The following CACNA1I variants were observed in gnomAD, a reference collection of about 807,000 sequenced individuals.
CACNA1I encodes calcium voltage-gated channel subunit alpha1 I.
In CACNA1I, 74 loss-of-function variants were observed where a neutral mutation model predicts 201.6. The observed-to-expected ratio is 0.37, with a 90% CI of 0.30 to 0.45. CACNA1I has a LOEUF of 0.45. CACNA1I is among the 20% of genes least tolerant of loss of function. The pLI is 1.00. For synonymous variants in CACNA1I, 1,431 were observed against 1,345.2 expected (o/e 1.06, Z -1.40); for missense variants, 2,346 against 3,138.1 (o/e 0.75, Z 6.03).
intron 27 of CACNA1I, among the ~76,000 whole-genome samples, 168 bp from the exon 28 acceptor site, chr22:39,672,781 G>A (rs969462453): frequency 6.6e-6 from 1 of 152,132 alleles, no homozygotes; most frequent in African/African-American, 2.4e-5. Flanking sequence ...GCAGAGAGGG[G>A]CCTGGACCCA....
At chr22:39,633,207 C>T (rs974501923) in intron 4 of CACNA1I, among the ~76,000 whole-genome samples, 2 of 152,118 alleles carry the variant, frequency 1.3e-5, no homozygotes, top group Admixed American at 6.6e-5. Flanking sequence ...AGTCATTGAA[C>T]AAATGTTAGG....
chr22:39,607,872 C>A (rs539372445), intron 3 of CACNA1I, among the ~76,000 whole-genome samples: 14 of 144,254 alleles, frequency 9.7e-5, no homozygotes, highest in Non-Finnish European at 2.1e-4. Flanking sequence ...CACCTGTAAT[C>A]CCAGCACTTT....
chr22:39,656,305 T>G, intron 10 of CACNA1I: 1 of 469,454 alleles, frequency 2.1e-6, no homozygotes, highest in South Asian at 1.5e-5. Flanking sequence ...ATGGAGGGGC[T>G]CCTGCTCTCG....
intron 5 of CACNA1I, among the ~76,000 whole-genome samples, chr22:39,638,149 A>G (rs112573420): frequency 2.8e-3 from 421 of 152,336 alleles, no homozygotes; most frequent in African/African-American, 9.6e-3. Context: ...CATGTTGGCC[A>G]AGCTGGTCTC....
Position 39,614,438 on chromosome 22 carries a change from G to A in CACNA1I, c.483-4872G>A, listed in dbSNP as rs1043301144. Among the ~76,000 whole-genome samples the A allele has an allele frequency of 7.2e-5, 11 of 152,182 alleles. No individual in the cohort carries two copies. The East Asian group carries it at 1.2e-3, about 16-fold the overall frequency. On this transcript the variant is annotated intron_variant, in intron 3 of 36. Transcript: ENST00000402142. ...CCTCCAAGCATGTGGTCAGGAGCCC[G>A]CCTCTCTCCAGCTCTTGCTTCAGCC... is the stretch of plus-strand genomic sequence containing the variant.
chr22:39,675,295 C>T (rs1935485888), intron 29 of CACNA1I, among the ~76,000 whole-genome samples: 1 of 152,238 alleles, frequency 6.6e-6, no homozygotes, highest in Non-Finnish European at 1.5e-5. Context: ...AGGTCTGGTT[C>T]ATGAGAAGTG....
At chr22:39,661,709 C>A (rs1274059156) in intron 16 of CACNA1I, among the ~76,000 whole-genome samples, 1 of 152,256 alleles carries the variant, frequency 6.6e-6, no homozygotes, top group African/African-American at 2.4e-5. Context: ...CCCTAACTTG[C>A]TGTACCTTCC....
In CACNA1I at chr22:39,661,194, G is replaced by A. The variant is rs776566127; in HGVS notation, c.2785G>A (p.Ala929Thr). 7 of 1,612,330 alleles carry A rather than the reference G, an allele frequency of 4.3e-6. No individual in the cohort carries two copies. The highest frequency in any genetic ancestry group is 5.9e-6 in the Non-Finnish European group (7 of 1,179,474). The change falls in exon 16 of 37, where the codon GCT becomes ACT. Residue 929 changes from alanine to threonine, a missense_variant. Physicochemically the swap from Ala to Thr is moderately conservative, Grantham distance 58 (BLOSUM62 0). Coordinates refer to ENST00000402142, the MANE Select transcript of CACNA1I (RefSeq NM_021096.4). ...GGGTGGGCACCTAGGTCCTGCTGGGGCTGCGGGACCTGCCCCCCGACTCTC... is the reference window on the plus strand; with the variant it reads ...GGGTGGGCACCTAGGTCCTGCTGGGACTGCGGGACCTGCCCCCCGACTCTC... ...PLGGHLGPAG[A>T]AGPAPRLSLQ...
Position 39,634,696 on chromosome 22 carries a change from C to T in CACNA1I, c.712C>T (p.Arg238Cys). ...VQLWAGLLRNRCFLEENFTIQ... is the reference protein window; with the variant it reads ...VQLWAGLLRNCCFLEENFTIQ... ...GCTCTGGGCGGGCCTGCTGCGTAAC[C>T]GCTGCTTCCTGGAGGAGAACTTCAC... The change falls in exon 5 of 37, where the codon CGC becomes TGC. Residue 238 changes from arginine to cysteine, a missense_variant. This residue lies in a region of CACNA1I where 227 missense variants were observed against 412.5 expected (regional missense o/e 0.55). Coordinates refer to ENST00000402142, the MANE Select transcript of CACNA1I (RefSeq NM_021096.4). The T allele has an allele frequency of 1.9e-6, 3 of 1,613,728 alleles. No individual in the cohort carries two copies. Among genetic ancestry groups the T allele is most frequent in the Non-Finnish European group, 2.5e-6 (3 of 1,179,790 alleles).
intron 4 of CACNA1I, among the ~76,000 whole-genome samples, chr22:39,633,998 T>C (rs774190801): frequency 5.9e-5 from 9 of 152,296 alleles, no homozygotes; most frequent in South Asian, 4.2e-4. Context: ...GACACATTCA[T>C]TGGGCACGTA....
Position 39,646,896 on chromosome 22 carries a change from A to G in CACNA1I, c.1462+15A>G, listed in dbSNP as rs1601492006. The G allele has an allele frequency of 2.7e-6, 4 of 1,472,078 alleles. No homozygotes were observed. The highest frequency in any genetic ancestry group is 2.7e-6 in the Non-Finnish European group (3 of 1,114,164). 91.2% of individuals were successfully genotyped at this position (1,472,078 alleles called of 1,614,324 possible). A position where few individuals can be genotyped will look rare whatever the true frequency, so the allele number is the denominator to read the frequency against. ...CCGGCACTACCGTAAGTGGCCCTGC[A>G]TCCGACGCGGCACTCAGGCACTTCG... is the stretch of plus-strand genomic sequence containing the variant. On this transcript the variant is annotated intron_variant, in intron 8 of 36. Coordinates refer to ENST00000402142, the MANE Select transcript of CACNA1I (RefSeq NM_021096.4).
chr22:39,611,248 A>C (rs572655274), intron 3 of CACNA1I, among the ~76,000 whole-genome samples: 1 of 152,256 alleles, frequency 6.6e-6, no homozygotes, highest in East Asian at 1.9e-4. Context: ...CCCAGAAATT[A>C]GTATTGTTAA....
rs770327012 is a variant in CACNA1I, at chr22:39,583,225, C to CAACA, written c.236+12238_236+12239insACAA. On this transcript the variant is annotated intron_variant, in intron 1 of 36. Coordinates refer to ENST00000402142, the MANE Select transcript of CACNA1I (RefSeq NM_021096.4). ...CCATCCATCCATCCATCCAACAATC[C>CAACA]ATCCATCCATCCATCCATTCATTCA... 2.0e-3 allele frequency among the ~76,000 whole-genome samples: 294 copies of CAACA among 149,878 alleles called. 5 individuals carry two copies. Among genetic ancestry groups the CAACA allele is most frequent in the Middle Eastern group, 0.011 (3 of 284 alleles).
At chr22:39,644,804 C>T (rs1934439082) in intron 7 of CACNA1I, among the ~76,000 whole-genome samples, 1 of 152,118 alleles carries the variant, frequency 6.6e-6, no homozygotes, top group African/African-American at 2.4e-5. Context: ...CATCCCCCCT[C>T]AGCTTCCTGA....
rs1935359214 is a variant in CACNA1I, at chr22:39,670,914, A to G, written c.4499A>G (p.Asn1500Ser). 1.2e-6 allele frequency: 2 copies of G among 1,613,806 alleles called. No individual in the cohort carries two copies. Among genetic ancestry groups the G allele is most frequent in the Non-Finnish European group, 1.7e-6 (2 of 1,179,838 alleles). Residue 1500 changes from asparagine (N) to serine (S), a missense_variant, in exon 26 of 37, where the codon AAC (asparagine) becomes AGC (serine). Transcript: ENST00000402142. ...DIFITFIICL[N>S]VVTMSLEHYN... is the part of the protein sequence containing the mutation. ...TTCATCACCTTCATCATCTGCCTCAACGTGGTCACCATGTCCCTGGAGCAC... is the reference window on the plus strand; with the variant it reads ...TTCATCACCTTCATCATCTGCCTCAGCGTGGTCACCATGTCCCTGGAGCAC...
Position 39,684,748 on chromosome 22 carries a change from G to A in CACNA1I, c.6027+250G>A. ...GTGGGGAGGACCCCAAGGCGGGTCTGGAAGAGGCCTGTGATCCCTAGCTTG... is the reference window on the plus strand; with the variant it reads ...GTGGGGAGGACCCCAAGGCGGGTCTAGAAGAGGCCTGTGATCCCTAGCTTG... On this transcript the variant is annotated intron_variant, in intron 36 of 36. Transcript: ENST00000402142. This position sits in a 1 kb window ranked among gnomAD's most constrained non-coding sequence, Gnocchi z 4.6. 1.7e-6 allele frequency: 1 copy of A among 599,712 alleles called. No homozygotes were observed. Among genetic ancestry groups the A allele is most frequent in the Non-Finnish European group, 3.0e-6 (1 of 336,994 alleles). 37.1% of individuals were successfully genotyped at this position (599,712 alleles called of 1,614,324 possible).
intron 5 of CACNA1I, among the ~76,000 whole-genome samples, chr22:39,636,259 C>T (rs1014341160): frequency 1.3e-5 from 2 of 152,204 alleles, no homozygotes; most frequent in Admixed American, 6.5e-5. Flanking sequence ...AGCCCTGTCT[C>T]GGCTGCAAAA....
At position 39,685,969 on chromosome 22, in the gene CACNA1I, G is replaced by A. The variant is rs1880732533; in HGVS notation, c.6236G>A (p.Gly2079Glu). 1.6e-6 allele frequency: 2 copies of A among 1,257,326 alleles called. No individual in the cohort carries two copies. The highest frequency in any genetic ancestry group is 2.0e-6 in the Non-Finnish European group (2 of 1,008,280). 77.9% of individuals were successfully genotyped at this position (1,257,326 alleles called of 1,614,324 possible). Residue 2079 changes from glycine to glutamate, a missense_variant, in exon 37 of 37, where the codon GGG becomes GAG. Gly to Glu is a moderately conservative substitution (Grantham distance 98, BLOSUM62 -2). This residue lies in a region of CACNA1I where 441 missense variants were observed against 555.6 expected (regional missense o/e 0.79). Coordinates refer to ENST00000402142, the MANE Select transcript of CACNA1I (RefSeq NM_021096.4). The surrounding 1 kb of genome is among the most constrained non-coding windows in gnomAD (Gnocchi z 5.0). Reference protein sequence around the residue: ...LRGRGLFSLRGLRAHQRSHSS... With the variant: ...LRGRGLFSLRELRAHQRSHSS... Reference sequence around the variant, plus strand: ...GGCCGGGGCCTCTTCAGCCTGCGGGGGCTGCGGGCGCATCAGCGCAGCCAC... The same window carrying A: ...GGCCGGGGCCTCTTCAGCCTGCGGGAGCTGCGGGCGCATCAGCGCAGCCAC...
chr22:39,649,345 G>A lies in CACNA1I; in HGVS notation c.1568-156G>A, dbSNP rs376486140. On this transcript the variant is annotated intron_variant, in intron 9 of 36. Coordinates refer to ENST00000402142, the MANE Select transcript of CACNA1I (RefSeq NM_021096.4). This position sits in a 1 kb window ranked among gnomAD's most constrained non-coding sequence, Gnocchi z 7.3. ...AGACAAAGCTCAGAGAGCTGCAGCC[G>A]CTTCCCCAGGCACCCCTGACCGCCT... Among the ~76,000 whole-genome samples the A allele has an allele frequency of 1.7e-3, 252 of 152,336 alleles. 1 individual carries two copies. The highest frequency in any genetic ancestry group is 5.5e-3 in the African/African-American group (228 of 41,586).
Sources: gnomAD v4.1 joint callset for allele counts (sites outside exome capture counted in the v4.1 genomes callset) on GRCh38, gnomAD v4.1.1 for gene constraint, gnomAD v4.1.1 regional missense constraint, Gnocchi (gnomAD v3.1) non-coding constraint, MANE v1.5 for transcripts, NCBI Gene and HGNC (gene_info 2026-07-23, HGNC 2026-07-21) for gene names.